The following MED13L variants were observed in gnomAD, a reference collection of about 807,000 sequenced individuals.
MED13L encodes the protein mediator of RNA polymerase II transcription subunit 13-like.
MED13L carries 7 observed loss-of-function variants against 220.9 expected under a neutral mutation model. The observed-to-expected ratio is 0.03, with a 90% CI of 0.02 to 0.06. The LOEUF (loss-of-function observed/expected upper bound fraction) is 0.06. Ranked by LOEUF, MED13L falls within the 10% of genes least tolerant of loss-of-function variation. MED13L has a pLI of 1.00. For missense variants in MED13L, 1,965 were observed against 2,760.5 expected (o/e 0.71, Z 6.46); for synonymous variants, 1,011 against 1,015.2 (o/e 1.00, Z 0.08).
chr12:116,041,130 C>T (rs982425761), intron 4 of MED13L, among the ~76,000 whole-genome samples: 2 of 152,130 alleles, frequency 1.3e-5, no homozygotes, highest in Admixed American at 6.5e-5. Flanking sequence ...AATCTCATCT[C>T]GAATTGTAAT....
At chr12:116,023,103 T>A (rs1880159687) in intron 4 of MED13L, among the ~76,000 whole-genome samples, 1 of 152,104 alleles carries the variant, frequency 6.6e-6, no homozygotes. Flanking sequence ...AAAACCAGCC[T>A]GGGCAACATA....
intron 2 of MED13L, among the ~76,000 whole-genome samples, chr12:116,210,915 T>G (rs1002851535): frequency 6.6e-6 from 1 of 152,114 alleles, no homozygotes; most frequent in Non-Finnish European, 1.5e-5. Flanking sequence ...AGCACTCTCA[T>G]GGTTTACCAC....
At chr12:116,223,260 C>A (rs1868615938) in intron 2 of MED13L, among the ~76,000 whole-genome samples, 1 of 152,020 alleles carries the variant, frequency 6.6e-6, no homozygotes, top group Non-Finnish European at 1.5e-5. Flanking sequence ...TCTTCCACAG[C>A]CATCTGTTCT....
rs1566020961 is a variant in MED13L, at chr12:116,031,763, G to GAAAA, written c.480-9163_480-9162insTTTT. ...AAGAAAAGAAAAGAAAAGAAAAGAA[G>GAAAA]GAAGGAAGGAAGGAAGGAAGGAAGG... On this transcript the variant is annotated intron_variant, in intron 4 of 30. Coordinates refer to ENST00000281928, the MANE Select transcript of MED13L (RefSeq NM_015335.5). 1.0e-3 allele frequency among the ~76,000 whole-genome samples: 105 copies of GAAAA among 102,194 alleles called. 3 individuals carry two copies. Among genetic ancestry groups the GAAAA allele is most frequent in the African/African-American group, 1.7e-3 (52 of 30,198 alleles). 67.0% of individuals were successfully genotyped at this position (102,194 alleles called of 152,430 possible). A position where few individuals can be genotyped will look rare whatever the true frequency, so the allele number is the denominator to read the frequency against.
At position 116,070,072 on chromosome 12, in the gene MED13L, T is replaced by C. The variant is rs539145118; in HGVS notation, c.479+26597A>G. ...ATGCAGTTATAATTACATTCAAGTT[T>C]TACAAAGTGTAAATATCTCTCACTC... On this transcript the variant is annotated intron_variant, in intron 4 of 30. Coordinates refer to ENST00000281928, the MANE Select transcript of MED13L (RefSeq NM_015335.5). 7.2e-5 allele frequency among the ~76,000 whole-genome samples: 11 copies of C among 152,312 alleles called. No individual in the cohort carries two copies. The East Asian group carries it at 2.1e-3, about 29-fold the overall frequency.
chr12:116,043,179 A>G (rs947815543), intron 4 of MED13L, among the ~76,000 whole-genome samples: 1 of 152,190 alleles, frequency 6.6e-6, no homozygotes, highest in African/African-American at 2.4e-5. Context: ...TTTAATCATG[A>G]TACTCTGAAT....
intron 2 of MED13L, among the ~76,000 whole-genome samples, chr12:116,151,743 T>C (rs1878057304): frequency 6.6e-6 from 1 of 152,182 alleles, no homozygotes; most frequent in Non-Finnish European, 1.5e-5. Context: ...ATTTTTAACC[T>C]TCCTAAGGGT....
chr12:116,227,599 G>T (rs1033536817), intron 2 of MED13L, among the ~76,000 whole-genome samples: 71 of 152,052 alleles, frequency 4.7e-4, no homozygotes, highest in African/African-American at 1.6e-3. Flanking sequence ...TATTGTTCAG[G>T]GGCACCACAA....
At chr12:115,978,606 C>T (rs1444476194) in intron 23 of MED13L, among the ~76,000 whole-genome samples, 3 of 152,156 alleles carry the variant, frequency 2.0e-5, no homozygotes, top group East Asian at 1.9e-4. Context: ...GGATTATAGG[C>T]ATGAGCCACC....
chr12:116,169,504 C>T (rs949831141), intron 2 of MED13L, among the ~76,000 whole-genome samples: 2 of 152,140 alleles, frequency 1.3e-5, no homozygotes, highest in Non-Finnish European at 2.9e-5. Context: ...AGAAGACAAT[C>T]ATATTGTCAT....
intron 2 of MED13L, among the ~76,000 whole-genome samples, chr12:116,202,915 A>G (rs1271019269): frequency 6.6e-6 from 1 of 152,262 alleles, no homozygotes; most frequent in Non-Finnish European, 1.5e-5. Context: ...GAAGAATACA[A>G]GAGAAATCAC....
intron 4 of MED13L, among the ~76,000 whole-genome samples, chr12:116,048,691 A>C (rs1592985742): frequency 6.6e-6 from 1 of 152,234 alleles, no homozygotes; most frequent in South Asian, 2.1e-4. Context: ...TTTGGAGTTC[A>C]GGGTTAAGGG....
At chr12:116,113,869 G>C (rs533460617) in intron 2 of MED13L, among the ~76,000 whole-genome samples, 161 of 114,472 alleles carry the variant, frequency 1.4e-3, no homozygotes, top group African/African-American at 5.2e-3. Context: ...GGGAGAGGGA[G>C]ACAGAAGGGG....
intron 2 of MED13L, among the ~76,000 whole-genome samples, chr12:116,166,818 TA>T (rs1879317119): frequency 6.6e-6 from 1 of 152,204 alleles, no homozygotes; most frequent in South Asian, 2.1e-4. Flanking sequence ...ACTGAGCACT[TA>T]ATAAATATTT....
intron 2 of MED13L, among the ~76,000 whole-genome samples, chr12:116,172,319 T>G (rs1565911671): frequency 6.6e-6 from 1 of 152,156 alleles, no homozygotes; most frequent in Non-Finnish European, 1.5e-5. Context: ...TAGCATATGA[T>G]TCACCCCAGC....
At chr12:116,003,240 A>G (rs1431637631) in intron 13 of MED13L, 138 bp from the exon 14 acceptor site, 1 of 722,810 alleles carries the variant, frequency 1.4e-6, no homozygotes, top group Non-Finnish European at 2.4e-6. Flanking sequence ...AAATACCAAC[A>G]GATAGTGAAA....
intron 2 of MED13L, among the ~76,000 whole-genome samples, chr12:116,173,669 A>G (rs1226670380): frequency 2.0e-5 from 3 of 152,148 alleles, no homozygotes; most frequent in Non-Finnish European, 4.4e-5. Context: ...CAGAGCATGC[A>G]TTTGCTGGAT....
At chr12:116,117,489 A>G (rs1432981246) in intron 2 of MED13L, among the ~76,000 whole-genome samples, 1 of 152,182 alleles carries the variant, frequency 6.6e-6, no homozygotes, top group Non-Finnish European at 1.5e-5. Context: ...AACTCATTTT[A>G]CCATTGGGCC....
At chr12:115,980,673 T>A (rs1471577058) in intron 23 of MED13L, 77 bp downstream of exon 23, 1 of 1,485,116 alleles carries the variant, frequency 6.7e-7, no homozygotes, top group African/African-American at 1.4e-5. Context: ...CCAGCCAATC[T>A]CTGGGTTAGA....
Sources: allele counts gnomAD v4.1 joint callset (sites outside exome capture counted in the v4.1 genomes callset), GRCh38; gene constraint gnomAD v4.1.1; transcripts MANE v1.5; gene names NCBI Gene and HGNC (gene_info 2026-07-23, HGNC 2026-07-21).